TET3: variants seen among roughly 807,000 people sequenced by gnomAD.
TET3 encodes methylcytosine dioxygenase TET3.
Under a neutral mutation model 141.4 loss-of-function variants are expected in TET3, and 19 were observed. The observed-to-expected ratio is 0.13, with a 90% CI of 0.09 to 0.20. The LOEUF is 0.20. Among genes scored for constraint, TET3 ranks in the 10% least tolerant of loss-of-function variants. The probability of loss-of-function intolerance (pLI) is 1.00; values close to 1 mark genes in which losing one functional copy is unlikely to be tolerated. For missense variants in TET3, 1,874 were observed against 2,356.9 expected (o/e 0.80, Z 4.24); for synonymous variants, 1,043 against 980.9 (o/e 1.06, Z -1.18).
intron 4 of TET3, among the ~76,000 whole-genome samples, chr2:74,063,024 C>A (rs1273798228): frequency 6.6e-6 from 1 of 151,602 alleles, no homozygotes; most frequent in Non-Finnish European, 1.5e-5. Context: ...GCTGGGGTTA[C>A]AGGCGTGCAC....
At chr2:74,032,489 G>GCGCGCGCGCGCGCGATGGCCCCAGCGGC (rs1558730157) in intron 3 of TET3, among the ~76,000 whole-genome samples, 1 of 150,646 alleles carries the variant, frequency 6.6e-6, no homozygotes, top group Non-Finnish European at 1.5e-5. Context: ...GTGTGTGTGT[G>GCGCGCGCGCGCGCGATGGCCCCAGCGGC]TGTGTGTGTG....
Position 74,083,027 on chromosome 2 carries a change from C to T in TET3, c.2679+2436C>T, listed in dbSNP as rs182445830. Among the ~76,000 whole-genome samples, 3 of 152,324 alleles carry T rather than the reference C, an allele frequency of 2.0e-5. No homozygotes were observed. The East Asian group carries it at 5.8e-4, about 29-fold the overall frequency. On this transcript the variant is annotated intron_variant, in intron 6 of 11. Transcript: ENST00000409262. ...TTTCAGCCTCTCCCTAGCCCCCAGC[C>T]ATACCTTCAGCTTAAAGCAGTGTGC...
At chr2:74,127,907 A>C in the TET3 span, among the ~76,000 whole-genome samples, 1 of 152,250 alleles carries the variant, frequency 6.6e-6, no homozygotes, top group African/African-American at 2.4e-5. Flanking sequence ...TCAATGCCTA[A>C]AGTATTAGAA....
Position 74,021,108 on chromosome 2 carries a change from A to G in TET3, c.360+17942A>G, listed in dbSNP as rs1364395315. 5.9e-5 allele frequency among the ~76,000 whole-genome samples: 9 copies of G among 152,292 alleles called. No individual in the cohort carries two copies. The East Asian group carries it at 1.7e-3, about 29-fold the overall frequency. ...TGGAAGTATTGCTCTATCTGCCCCT[A>G]TCCCCTGCTGTTGGTTTCTTACTTC... On this transcript the variant is annotated intron_variant, in intron 3 of 11. Transcript: ENST00000409262.
At chr2:74,132,622 G>A in the TET3 span, among the ~76,000 whole-genome samples, 1 of 152,218 alleles carries the variant, frequency 6.6e-6, no homozygotes, top group Non-Finnish European at 1.5e-5. Flanking sequence ...CTTGGCTCAA[G>A]CAATTCTCCC....
the TET3 span, among the ~76,000 whole-genome samples, chr2:74,115,577 A>T: frequency 6.6e-6 from 1 of 152,212 alleles, no homozygotes; most frequent in African/African-American, 2.4e-5. Context: ...TGAAATATTT[A>T]AAATTTTGTT....
chr2:74,109,901 G>T (rs537724528), downstream of TET3, among the ~76,000 whole-genome samples: 8 of 152,192 alleles, frequency 5.3e-5, no homozygotes, highest in African/African-American at 1.9e-4. Flanking sequence ...TTTAAGCAGC[G>T]GCTTGTGGCT....
At chr2:74,012,303 C>T (rs1685479094) in intron 3 of TET3, among the ~76,000 whole-genome samples, 1 of 152,216 alleles carries the variant, frequency 6.6e-6, no homozygotes, top group Non-Finnish European at 1.5e-5. Context: ...AGTATCCCTG[C>T]AGACTTTATT....
chr2:74,012,321 T>A (rs1685480214), intron 3 of TET3, among the ~76,000 whole-genome samples: 1 of 152,224 alleles, frequency 6.6e-6, no homozygotes, highest in African/African-American at 2.4e-5. Context: ...ATTCTATGCA[T>A]ATTTCATATC....
intron 3 of TET3, among the ~76,000 whole-genome samples, chr2:74,008,787 C>T (rs1685275964): frequency 6.6e-6 from 1 of 152,126 alleles, no homozygotes; most frequent in African/African-American, 2.4e-5. Context: ...GTAACAGTAT[C>T]TTGCCACAGA....
chr2:74,076,148 T>C (rs534778900), intron 5 of TET3, among the ~76,000 whole-genome samples: 13 of 152,266 alleles, frequency 8.5e-5, no homozygotes, highest in African/African-American at 2.9e-4. Flanking sequence ...TAAGATAAGG[T>C]TGACATATGT....
At position 74,047,557 on chromosome 2, in the gene TET3, C is replaced by T. The variant is rs1434236193; in HGVS notation, c.1640C>T (p.Ser547Phe). 3 of 1,613,802 alleles carry T rather than the reference C, an allele frequency of 1.9e-6. No individual in the cohort carries two copies. The highest frequency in any genetic ancestry group is 2.5e-6 in the Non-Finnish European group (3 of 1,179,906). ...SLFLEQVHDT[S>F]FPAPSEPSAP... ...TTCCTAGAACAGGTGCACGACACCTCCTTCCCTGCTCCTTCAGAGCCTTCT... is the reference window on the plus strand; with the variant it reads ...TTCCTAGAACAGGTGCACGACACCTTCTTCCCTGCTCCTTCAGAGCCTTCT... The change falls in exon 4 of 12, where the codon TCC becomes TTC. Residue 547 changes from serine to phenylalanine, a missense_variant. Around this residue, in one of 10 missense-constraint regions of TET3, gnomAD observed 484 missense variants for 462.2 expected, o/e 1.05. Coordinates refer to ENST00000409262, the MANE Select transcript of TET3 (RefSeq NM_001287491.2).
intron 4 of TET3, among the ~76,000 whole-genome samples, chr2:74,059,679 TG>T (rs1268828942): frequency 6.6e-6 from 1 of 152,234 alleles, no homozygotes; most frequent in Non-Finnish European, 1.5e-5. Flanking sequence ...CCCAAGTAGC[TG>T]GGACTACAGG....
Position 74,101,661 on chromosome 2 carries a change from G to A in TET3, c.4873G>A (p.Glu1625Lys). 1.2e-6 allele frequency: 2 copies of A among 1,613,724 alleles called. No individual in the cohort carries two copies. Among genetic ancestry groups the A allele is most frequent in the Non-Finnish European group, 1.7e-6 (2 of 1,179,862 alleles). ...CCCCAGCAAGGGAGCGGTGAAGGAG[G>A]AGAAGGGCGGTGGTGGTGCGGAGGA... ...EPPSKGAVKEEKGGGGAEEEE... is the reference protein window; with the variant it reads ...EPPSKGAVKEKKGGGGAEEEE... The change falls in exon 12 of 12, where the codon GAG becomes AAG. Residue 1625 changes from glutamate (E) to lysine (K), a missense_variant. Around this residue, in one of 10 missense-constraint regions of TET3, gnomAD observed 602 missense variants for 590.2 expected, o/e 1.02. Coordinates refer to ENST00000409262, the MANE Select transcript of TET3 (RefSeq NM_001287491.2). The surrounding 1 kb of genome is among the most constrained non-coding windows in gnomAD (Gnocchi z 8.5).
At position 74,102,029 on chromosome 2, in the gene TET3, G is replaced by A. The variant is rs548025111; in HGVS notation, c.5241G>A (p.Gly1747=). The A allele has an allele frequency of 1.9e-5, 30 of 1,560,088 alleles. No individual in the cohort carries two copies. In the Middle Eastern group the frequency reaches 8.6e-4, roughly 45 times the overall value. The change falls in exon 12 of 12, where the codon GGG becomes GGA. Residue 1747 remains glycine, a synonymous_variant. Coordinates refer to ENST00000409262, the MANE Select transcript of TET3 (RefSeq NM_001287491.2). ...TCTACGGGAAGAAGCGCAAGTGGGG[G>A]GGCACTGTGGTTGCTGAGCCCCAGC... is the stretch of plus-strand genomic sequence containing the variant. ...AKLYGKKRKW[G]GTVVAEPQQK... is the part of the protein sequence containing the mutation.
At chr2:74,054,922 G>A (rs1376702839) in intron 4 of TET3, among the ~76,000 whole-genome samples, 1 of 152,048 alleles carries the variant, frequency 6.6e-6, no homozygotes, top group East Asian at 1.9e-4. Flanking sequence ...TTGAGATGGG[G>A]TCTCACTGTG....
At chr2:74,126,471 C>G in the TET3 span, among the ~76,000 whole-genome samples, 6 of 144,220 alleles carry the variant, frequency 4.2e-5, no homozygotes, top group Non-Finnish European at 7.6e-5. Context: ...TCATTGGCAT[C>G]TTTTAGGCCT....
intron 4 of TET3, among the ~76,000 whole-genome samples, chr2:74,060,790 A>G (rs7597388): frequency 0.23 from 34,332 of 152,188 alleles, 4,222 homozygotes; most frequent in Non-Finnish European, 0.28. Flanking sequence ...CCCTTAATCC[A>G]TTTAACCCTG....
intron 10 of TET3, among the ~76,000 whole-genome samples, chr2:74,096,780 AG>A (rs1053504731): frequency 2.1e-5 from 3 of 144,480 alleles, no homozygotes; most frequent in African/African-American, 5.0e-5. Flanking sequence ...AAAAAAAAAA[AG>A]AAAGAAAGAA....
Sources: gnomAD v4.1 joint callset for allele counts (sites outside exome capture counted in the v4.1 genomes callset) on GRCh38, gnomAD v4.1.1 for gene constraint, gnomAD v4.1.1 regional missense constraint, Gnocchi (gnomAD v3.1) non-coding constraint, MANE v1.5 for transcripts, NCBI Gene and HGNC (gene_info 2026-07-23, HGNC 2026-07-21) for gene names.